Variants in ZNF730 observed in about 807,000 individuals in gnomAD.
ZNF730 encodes the protein zinc finger protein 730.
In ZNF730, 12 loss-of-function variants were observed where a neutral mutation model predicts 12.6. That is an observed-to-expected ratio of 0.95 (90% CI 0.61 to 1.54). The LOEUF (loss-of-function observed/expected upper bound fraction) is 1.54, where lower values mean the gene tolerates loss of function less well. Among genes scored for constraint, ZNF730 ranks in the 40% most tolerant of loss-of-function variants. ZNF730 has a pLI of 0.00. For missense variants in ZNF730, 643 were observed against 583.5 expected (o/e 1.10, Z -1.05); for synonymous variants, 194 against 195.8 (o/e 0.99, Z 0.08).
chr19:23,085,831 TTTTTC>T (rs1970052268), intron 1 of ZNF730, among the ~76,000 whole-genome samples: 6 of 128,358 alleles, frequency 4.7e-5, no homozygotes, highest in African/African-American at 1.7e-4. Flanking sequence ...ACCCAATTTT[TTTTTC>T]TTTTTTTTTT....
upstream of ZNF730, among the ~76,000 whole-genome samples, chr19:23,116,714 C>G (rs113557591): frequency 2.0e-5 from 3 of 152,084 alleles, no homozygotes; most frequent in African/African-American, 7.2e-5. Context: ...AGCCACCGCG[C>G]CCGGTCTATG....
intron 1 of ZNF730, among the ~76,000 whole-genome samples, chr19:23,096,693 C>A (rs1599575801): frequency 6.6e-6 from 1 of 152,190 alleles, no homozygotes; most frequent in East Asian, 1.9e-4. Context: ...TTTGCATGGG[C>A]CCTCCCCACA....
intron 3 of ZNF730, among the ~76,000 whole-genome samples, chr19:23,140,315 T>C (rs1970896217): frequency 6.6e-6 from 1 of 152,162 alleles, no homozygotes; most frequent in Admixed American, 6.5e-5. Flanking sequence ...TAATTTATTC[T>C]TTTTAAAAAA....
At position 23,111,697 on chromosome 19, in the gene ZNF730, C is replaced by T. The variant is rs543599061; in HGVS notation, c.-93-22383C>T. Among the ~76,000 whole-genome samples, 20 of 151,542 alleles carry T rather than the reference C, an allele frequency of 1.3e-4. No homozygotes were observed. The East Asian group carries it at 1.6e-3, about 12-fold the overall frequency. ...CCAGGAGGCGGAGGTTTCAGTGAGC[C>T]GACATCACACCACTGCACTCCAGTC... On this transcript the variant is annotated intron_variant, in intron 1 of 2. Transcript: ENST00000593635.
chr19:23,100,776 C>T (rs1310666106), intron 1 of ZNF730, among the ~76,000 whole-genome samples: 1 of 151,538 alleles, frequency 6.6e-6, no homozygotes, highest in African/African-American at 2.4e-5. Context: ...CTGCCTCATC[C>T]CCCTGAGTAG....
chr19:23,093,036 G>T (rs907573919), intron 1 of ZNF730, among the ~76,000 whole-genome samples: 1 of 152,116 alleles, frequency 6.6e-6, no homozygotes, highest in African/African-American at 2.4e-5. Context: ...TGTCACCCAG[G>T]CTGGAGTGGA....
chr19:23,076,062 T>G (rs1568296684), intron 1 of ZNF730, among the ~76,000 whole-genome samples: 1 of 151,650 alleles, frequency 6.6e-6, no homozygotes, highest in Non-Finnish European at 1.5e-5. Flanking sequence ...AGGGCTCTAA[T>G]CCACTTTTTT....
chr19:23,134,306 CTTTTTCT>C (rs2145661894), intron 2 of ZNF730, 100 bp downstream of exon 2: 3 of 1,095,856 alleles, frequency 2.7e-6, no homozygotes, highest in South Asian at 1.8e-5. Flanking sequence ...TTTTCTTTTT[CTTTTTCT>C]TTTTTTTTTT....
At chr19:23,117,470 G>A (rs909258791) in intron 1 of ZNF730, among the ~76,000 whole-genome samples, 1 of 152,344 alleles carries the variant, frequency 6.6e-6, no homozygotes, top group South Asian at 2.1e-4. Context: ...AGGAACCAGA[G>A]AGGATCGTCA....
chr19:23,104,217 G>A (rs1469587914), intron 1 of ZNF730, among the ~76,000 whole-genome samples: 2 of 150,760 alleles, frequency 1.3e-5, no homozygotes, highest in South Asian at 2.1e-4. Flanking sequence ...CAGGAGAATC[G>A]CTTGAACCTG....
At chr19:23,127,300 G>T in intron 1 of ZNF730, 1 of 676,506 alleles carries the variant, frequency 1.5e-6, no homozygotes, top group Non-Finnish European at 2.7e-6. Context: ...ATTCCAAGAA[G>T]ACATGGAAAT....
intron 1 of ZNF730, among the ~76,000 whole-genome samples, chr19:23,105,430 A>G (rs1010233002): frequency 1.3e-5 from 2 of 151,962 alleles, no homozygotes; most frequent in African/African-American, 4.8e-5. Flanking sequence ...AATATTTTCT[A>G]CAATATTTTA....
At chr19:23,082,763 G>A (rs896206636) in intron 1 of ZNF730, among the ~76,000 whole-genome samples, 4 of 151,890 alleles carry the variant, frequency 2.6e-5, no homozygotes, top group African/African-American at 4.8e-5. Flanking sequence ...GTGCAATGGC[G>A]TGATCTCGGC....
chr19:23,123,463 G>T (rs1970623935), intron 1 of ZNF730: 1 of 152,166 alleles, frequency 6.6e-6, no homozygotes. Context: ...CCAGCTACTT[G>T]GGAGGCTGAG....
chr19:23,077,084 A>G (rs1313354597), intron 1 of ZNF730, among the ~76,000 whole-genome samples: 2 of 152,142 alleles, frequency 1.3e-5, no homozygotes, highest in Non-Finnish European at 2.9e-5. Flanking sequence ...GTAACACAGG[A>G]ACAGAAAACT....
At chr19:23,111,654 C>T (rs1335781744) in intron 1 of ZNF730, among the ~76,000 whole-genome samples, 2 of 151,670 alleles carry the variant, frequency 1.3e-5, no homozygotes, top group African/African-American at 4.8e-5. Flanking sequence ...GAGGCTGAGG[C>T]AGGAGAATTG....
At chr19:23,116,101 A>G (rs1449614639), upstream of ZNF730, among the ~76,000 whole-genome samples, 2 of 152,230 alleles carry the variant, frequency 1.3e-5, no homozygotes, top group East Asian at 1.9e-4. Flanking sequence ...ACATCCTGAC[A>G]CTTAGGGCCA....
At chr19:23,093,800 CA>C (rs1238201755) in intron 1 of ZNF730, among the ~76,000 whole-genome samples, 1 of 152,158 alleles carries the variant, frequency 6.6e-6, no homozygotes, top group Non-Finnish European at 1.5e-5. Context: ...CAGACGGGGT[CA>C]GGGGCATGGT....
intron 1 of ZNF730, among the ~76,000 whole-genome samples, chr19:23,130,648 A>G (rs1970733913): frequency 6.6e-6 from 1 of 151,818 alleles, no homozygotes; most frequent in South Asian, 2.1e-4. Flanking sequence ...ATCTTTTAAT[A>G]AAATTATCCG....
Sources: allele counts gnomAD v4.1 joint callset (sites outside exome capture counted in the v4.1 genomes callset), GRCh38; gene constraint gnomAD v4.1.1; transcripts MANE v1.5; gene names NCBI Gene and HGNC (gene_info 2026-07-23, HGNC 2026-07-21).